UXS1: variants seen among roughly 807,000 people sequenced by gnomAD.
UXS1 encodes UDP-glucuronate decarboxylase 1, also known as UDP-glucuronic acid decarboxylase 1.
A neutral mutation model predicts 62.6 loss-of-function variants in UXS1; 33 were observed. The observed-to-expected ratio is 0.53, with a 90% CI of 0.40 to 0.70. The LOEUF (loss-of-function observed/expected upper bound fraction) is 0.70. Ranked by LOEUF, UXS1 falls within the 30% of genes least tolerant of loss-of-function variation. The pLI is 0.00. For missense variants in UXS1, 434 were observed against 556.3 expected (o/e 0.78, Z 2.21); for synonymous variants, 213 against 206.8 (o/e 1.03, Z -0.26).
chr2:106,188,643 G>A (rs1046137749), intron 1 of UXS1, among the ~76,000 whole-genome samples: 13 of 152,310 alleles, frequency 8.5e-5, no homozygotes, highest in African/African-American at 2.6e-4. Flanking sequence ...TTCCTGCAGG[G>A]ACCAGGGAGA....
rs745595896 is a variant in UXS1 at position 106,163,711 on chromosome 2, C to G, written c.187-1G>C. ...TTTTCTCTCTTAGTGGTTCAACCAT[C>G]TAGAACAATAATAACAAAAATCAGT... On this transcript the variant is annotated splice_acceptor_variant, in intron 3 of 14. Coordinates refer to ENST00000283148, the MANE Select transcript of UXS1 (RefSeq NM_001253875.2). LOFTEE classifies it high-confidence loss of function. 1.0e-5 allele frequency: 15 copies of G among 1,439,198 alleles called. No homozygotes were observed. The highest frequency in any genetic ancestry group is 1.4e-5 in the Non-Finnish European group (15 of 1,088,218). The allele number at this position is 1,439,198 out of a possible 1,614,324, so 89.2% of individuals were successfully genotyped here. A position where few individuals can be genotyped will look rare whatever the true frequency, so the allele number is the denominator to read the frequency against.
chr2:106,156,169 T>C (rs929261018), intron 5 of UXS1, among the ~76,000 whole-genome samples: 3 of 152,124 alleles, frequency 2.0e-5, no homozygotes, highest in African/African-American at 4.8e-5. Flanking sequence ...ATTAAGAATA[T>C]ATAAAGAACT....
intron 10 of UXS1, among the ~76,000 whole-genome samples, chr2:106,108,664 G>A (rs1678302570): frequency 6.6e-6 from 1 of 152,170 alleles, no homozygotes; most frequent in South Asian, 2.1e-4. Flanking sequence ...GGGGGCCGGG[G>A]AACGAAGGGC....
chr2:106,130,652 C>A (rs1229702265), intron 6 of UXS1, among the ~76,000 whole-genome samples: 2 of 152,182 alleles, frequency 1.3e-5, no homozygotes, highest in Non-Finnish European at 2.9e-5. Context: ...CCGGGCCTTC[C>A]GGGCTCCCCT....
intron 7 of UXS1, among the ~76,000 whole-genome samples, chr2:106,126,518 C>A (rs1165720656): frequency 6.6e-6 from 1 of 152,124 alleles, no homozygotes; most frequent in Non-Finnish European, 1.5e-5. Context: ...GTGAGACGAG[C>A]CAGGCACATG....
intron 14 of UXS1, among the ~76,000 whole-genome samples, chr2:106,094,608 G>GT (rs1480688710): frequency 6.6e-6 from 1 of 152,080 alleles, no homozygotes; most frequent in African/African-American, 2.4e-5. Flanking sequence ...ATTCTCCCAC[G>GT]TGACATCAAC....
chr2:106,183,948 T>C (rs1684403431), intron 1 of UXS1, among the ~76,000 whole-genome samples: 1 of 152,084 alleles, frequency 6.6e-6, no homozygotes, highest in Non-Finnish European at 1.5e-5. Flanking sequence ...TCCCAGCACT[T>C]TGGGAGGCCG....
At chr2:106,156,476 T>C (rs1682433042) in intron 5 of UXS1, among the ~76,000 whole-genome samples, 1 of 152,144 alleles carries the variant, frequency 6.6e-6, no homozygotes, top group Non-Finnish European at 1.5e-5. Flanking sequence ...CAAACAGCAG[T>C]TCCTCAAAAG....
intron 11 of UXS1, chr2:106,103,040 G>A (rs1185032026): frequency 6.6e-6 from 1 of 152,300 alleles, no homozygotes; most frequent in Admixed American, 6.5e-5. Context: ...CAAGTGGTGT[G>A]GGAGAGGACG....
intron 4 of UXS1, among the ~76,000 whole-genome samples, chr2:106,158,711 G>T (rs1682657480): frequency 6.6e-6 from 1 of 152,162 alleles, no homozygotes; most frequent in South Asian, 2.1e-4. Flanking sequence ...TAAAGAATAA[G>T]CATAAACAAT....
intron 1 of UXS1, among the ~76,000 whole-genome samples, chr2:106,169,513 C>G (rs558044928): frequency 4.6e-5 from 7 of 152,222 alleles, no homozygotes; most frequent in Non-Finnish European, 1.0e-4. Flanking sequence ...CCTGCGCAAA[C>G]TGGTGAAAAC....
intron 10 of UXS1, among the ~76,000 whole-genome samples, chr2:106,110,363 T>C (rs1016231749): frequency 1.3e-5 from 2 of 152,174 alleles, no homozygotes; most frequent in African/African-American, 4.8e-5. Context: ...TTGGGGAGGC[T>C]AGGGGACACT....
In UXS1 at chr2:106,158,941, T is replaced by A. The variant is rs1005736421; in HGVS notation, c.231-823A>T. On this transcript the variant is annotated intron_variant, in intron 4 of 14. Coordinates refer to ENST00000283148, the MANE Select transcript of UXS1 (RefSeq NM_001253875.2). Reference sequence around the variant, plus strand: ...ACCCGGTCCTCAGACTTGGCTTCCATGAATTGATTCAGCTGCCTGAAGACA... The same window carrying A: ...ACCCGGTCCTCAGACTTGGCTTCCAAGAATTGATTCAGCTGCCTGAAGACA... 9.2e-5 allele frequency among the ~76,000 whole-genome samples: 14 copies of A among 152,314 alleles called. No homozygotes were observed. The South Asian group carries it at 2.9e-3, about 32-fold the overall frequency.
At chr2:106,150,470 C>T (rs1310275874) in intron 5 of UXS1, among the ~76,000 whole-genome samples, 1 of 152,248 alleles carries the variant, frequency 6.6e-6, no homozygotes, top group Non-Finnish European at 1.5e-5. Context: ...ATTCATTGCC[C>T]TGTGCTGCCA....
chr2:106,172,104 A>G (rs1013066929), intron 1 of UXS1, among the ~76,000 whole-genome samples: 3 of 152,234 alleles, frequency 2.0e-5, no homozygotes, highest in Admixed American at 6.5e-5. Context: ...CCCTGCACAC[A>G]TTGCTTTACT....
chr2:106,101,026 G>C (rs747143925), intron 12 of UXS1, 32 bp downstream of exon 12: 4 of 1,613,560 alleles, frequency 2.5e-6, no homozygotes, highest in Non-Finnish European at 2.5e-6. Flanking sequence ...AGTCTGAGCT[G>C]TCCTGCAGAG....
At chr2:106,160,488 G>A (rs1441016949) in intron 4 of UXS1, 1 of 152,226 alleles carries the variant, frequency 6.6e-6, no homozygotes, top group Non-Finnish European at 1.5e-5. Flanking sequence ...AAGACCGCTC[G>A]GGAATGGGAA....
intron 4 of UXS1, chr2:106,159,216 T>C (rs148157610): frequency 1.3e-5 from 2 of 152,450 alleles, no homozygotes; most frequent in Admixed American, 6.5e-5. Context: ...AATCATGGCA[T>C]TCTCTGGGTA....
chr2:106,111,750 G>C (rs1678628968), intron 10 of UXS1, among the ~76,000 whole-genome samples: 1 of 152,210 alleles, frequency 6.6e-6, no homozygotes, highest in African/African-American at 2.4e-5. Flanking sequence ...GAAATACACA[G>C]AGCTATAATT....
Sources: gnomAD v4.1 joint callset for allele counts (sites outside exome capture counted in the v4.1 genomes callset) on GRCh38, gnomAD v4.1.1 for gene constraint, MANE v1.5 for transcripts, NCBI Gene and HGNC (gene_info 2026-07-23, HGNC 2026-07-21) for gene names.